The following ACKR5 variants were observed in gnomAD, a reference collection of about 807,000 sequenced individuals.
ACKR5 encodes G protein-coupled receptor 182.
chr12:56,994,821 T>A, the ACKR5 span, among the ~76,000 whole-genome samples: 42 of 151,292 alleles, frequency 2.8e-4, no homozygotes, highest in Non-Finnish European at 3.5e-4. Flanking sequence ...GCAATAAAGA[T>A]CTGTGCAAAA....
At chr12:56,995,668 C>T in the ACKR5 span, 16 of 1,613,978 alleles carry the variant, frequency 9.9e-6, no homozygotes, top group African/African-American at 1.7e-4. This position sits in a 1 kb window ranked among gnomAD's most constrained non-coding sequence, Gnocchi z 4.7. Flanking sequence ...ACCGCTATGT[C>T]ACCCTCACCA....
At chr12:56,995,792 G>A in the ACKR5 span, 1 of 1,614,106 alleles carries the variant, frequency 6.2e-7, no homozygotes, top group African/African-American at 1.3e-5. This position sits in a 1 kb window ranked among gnomAD's most constrained non-coding sequence, Gnocchi z 4.7. Context: ...CATCCAGCTG[G>A]TGGAGGGCCC....
the ACKR5 span, chr12:56,995,494 G>A: frequency 6.2e-7 from 1 of 1,614,136 alleles, no homozygotes; most frequent in South Asian, 1.1e-5. This position sits in a 1 kb window ranked among gnomAD's most constrained non-coding sequence, Gnocchi z 4.7. Context: ...TCCTCAACAT[G>A]GCCATCGCGG....
chr12:56,995,221 A>T, the ACKR5 span: 2 of 1,612,532 alleles, frequency 1.2e-6, no homozygotes, highest in Admixed American at 3.3e-5. The surrounding 1 kb of genome is among the most constrained non-coding windows in gnomAD (Gnocchi z 4.7). Context: ...TGTCAGTGAA[A>T]CCCAGCTGGG....
At chr12:56,995,974 C>A in the ACKR5 span, 1 of 1,611,232 alleles carries the variant, frequency 6.2e-7, no homozygotes, top group Non-Finnish European at 8.5e-7. The surrounding 1 kb of genome is among the most constrained non-coding windows in gnomAD (Gnocchi z 4.7). Context: ...AGAGCCGGCG[C>A]CACTGCCTGC....
the ACKR5 span, chr12:56,995,245 G>A: frequency 1.7e-5 from 27 of 1,613,860 alleles, no homozygotes; most frequent in African/African-American, 4.0e-5. The surrounding 1 kb of genome is among the most constrained non-coding windows in gnomAD (Gnocchi z 4.7). Context: ...CTGGCCCCTC[G>A]GAGGGGGTCA....
At chr12:56,996,683 G>A in the ACKR5 span, 3 of 429,298 alleles carry the variant, frequency 7.0e-6, no homozygotes, top group South Asian at 5.6e-5. Context: ...AGATAGCCAT[G>A]GACTCTGGAT....
At chr12:56,997,892 T>C in the ACKR5 span, 1 of 152,250 alleles carries the variant, frequency 6.6e-6, no homozygotes, top group African/African-American at 2.4e-5. Flanking sequence ...GTCAGGAGCA[T>C]GGAAGGAAAC....
At chr12:56,995,554 G>A in the ACKR5 span, 1 of 1,614,058 alleles carries the variant, frequency 6.2e-7, no homozygotes. The surrounding 1 kb of genome is among the most constrained non-coding windows in gnomAD (Gnocchi z 4.7). Flanking sequence ...AGGTCACGCT[G>A]GACTACACCT....
chr12:56,997,691 G>A, the ACKR5 span: 2 of 152,338 alleles, frequency 1.3e-5, no homozygotes, highest in East Asian at 3.9e-4. Flanking sequence ...CCCGTGGTAA[G>A]GGGACTGGAT....
the ACKR5 span, chr12:56,996,040 CCTG>C: frequency 1.2e-6 from 2 of 1,610,994 alleles, no homozygotes; most frequent in Admixed American, 1.7e-5. Context: ...ATCATGTGAC[CCTG>C]CTGCTGCTCA....
chr12:56,996,492 G>C, the ACKR5 span: 2 of 1,444,714 alleles, frequency 1.4e-6, no homozygotes, highest in Non-Finnish European at 1.9e-6. Flanking sequence ...GGAGATTTGG[G>C]GGGATGTAGA....
the ACKR5 span, chr12:56,996,131 T>G: frequency 2.5e-6 from 4 of 1,614,036 alleles, no homozygotes; most frequent in Non-Finnish European, 3.4e-6. Flanking sequence ...CATTGACTGC[T>G]TCTCCATGCT....
the ACKR5 span, chr12:56,995,447 C>T: frequency 4.0e-5 from 64 of 1,614,078 alleles, no homozygotes; most frequent in Non-Finnish European, 5.3e-5. The surrounding 1 kb of genome is among the most constrained non-coding windows in gnomAD (Gnocchi z 4.7). Flanking sequence ...CGTCAACTGG[C>T]GCGGCTCAGG....
chr12:56,995,848 C>T, the ACKR5 span: 1 of 1,613,580 alleles, frequency 6.2e-7, no homozygotes, highest in East Asian at 2.2e-5. The surrounding 1 kb of genome is among the most constrained non-coding windows in gnomAD (Gnocchi z 4.7). Context: ...CGTACAGCAC[C>T]TGGGCCCTGG....
chr12:56,996,277 C>T, the ACKR5 span: 119 of 1,614,110 alleles, frequency 7.4e-5, no homozygotes, highest in Non-Finnish European at 9.1e-5. Flanking sequence ...CCTCCTGTTC[C>T]ACCCAGCATT....
chr12:56,995,744 G>A, the ACKR5 span: 1 of 1,613,860 alleles, frequency 6.2e-7, no homozygotes, highest in Non-Finnish European at 8.5e-7. This position sits in a 1 kb window ranked among gnomAD's most constrained non-coding sequence, Gnocchi z 4.7. Flanking sequence ...AGGCATCTGG[G>A]TCCTCTCGGC....
At chr12:56,996,480 T>A in the ACKR5 span, 1 of 1,478,784 alleles carries the variant, frequency 6.8e-7, no homozygotes, top group South Asian at 1.4e-5. Context: ...AGAGTATAGG[T>A]GGGAGATTTG....
the ACKR5 span, chr12:56,996,238 G>A: frequency 5.6e-6 from 9 of 1,614,032 alleles, no homozygotes; most frequent in East Asian, 2.0e-4. Flanking sequence ...CTAAGGACCA[G>A]ACCAAGGCGG....
Sources: gnomAD v4.1 joint callset for allele counts (sites outside exome capture counted in the v4.1 genomes callset) on GRCh38, gnomAD v4.1.1 for gene constraint, Gnocchi (gnomAD v3.1) non-coding constraint, MANE v1.5 for transcripts, NCBI Gene and HGNC (gene_info 2026-07-23, HGNC 2026-07-21) for gene names.